Variants in ZRANB3 observed in about 807,000 individuals in gnomAD.
ZRANB3 encodes the protein DNA annealing helicase and endonuclease ZRANB3.
Under a neutral mutation model 133.8 loss-of-function variants are expected in ZRANB3, and 125 were observed. The observed-to-expected ratio is 0.93, with a 90% confidence interval of 0.81 to 1.08. The LOEUF (loss-of-function observed/expected upper bound fraction) is 1.08. Ranked by LOEUF, ZRANB3 falls within the 50% of genes least tolerant of loss-of-function variation. ZRANB3 has a pLI of 0.00. For synonymous variants in ZRANB3, 387 were observed against 432.7 expected (o/e 0.89, Z 1.31); for missense variants, 1,229 against 1,275.5 (o/e 0.96, Z 0.56).
rs180840476 is a variant in ZRANB3 at position 135,264,772 on chromosome 2, A to T, written c.1539+762T>A. On this transcript the variant is annotated intron_variant, in intron 12 of 20. Coordinates refer to ENST00000264159, the MANE Select transcript of ZRANB3 (RefSeq NM_032143.4). ...TTTTTTTTTTCTGAGACAGAGACAC[A>T]GTCTCACTCTATCGCCCAGCCTGGA... is the stretch of plus-strand genomic sequence containing the variant. Among the ~76,000 whole-genome samples, 28 of 148,598 alleles carry T rather than the reference A, an allele frequency of 1.9e-4. 1 individual carries two copies. The East Asian group carries it at 5.3e-3, about 28-fold the overall frequency.
At chr2:135,489,186 A>G (rs759123695) in intron 2 of ZRANB3, among the ~76,000 whole-genome samples, 53 of 151,882 alleles carry the variant, frequency 3.5e-4, no homozygotes, top group African/African-American at 3.6e-4. Context: ...ATGGAAACAC[A>G]TAAGAAAAAC....
At chr2:135,361,912 T>C (rs541443317) in intron 3 of ZRANB3, among the ~76,000 whole-genome samples, 2 of 152,252 alleles carry the variant, frequency 1.3e-5, no homozygotes, top group East Asian at 1.9e-4. Flanking sequence ...GAATTGTGTG[T>C]GTACGGCCGG....
intron 2 of ZRANB3, among the ~76,000 whole-genome samples, chr2:135,409,300 C>T (rs1211690764): frequency 6.6e-6 from 1 of 152,090 alleles, no homozygotes; most frequent in East Asian, 1.9e-4. Context: ...GCCTTAACTC[C>T]AACATTGGGG....
intron 2 of ZRANB3, among the ~76,000 whole-genome samples, chr2:135,411,063 A>AC (rs1277859826): frequency 6.6e-6 from 1 of 152,000 alleles, no homozygotes; most frequent in Non-Finnish European, 1.5e-5. Flanking sequence ...ACATGGTGAA[A>AC]CCCCAACTCT....
At chr2:135,483,615 A>C (rs546336548) in intron 2 of ZRANB3, among the ~76,000 whole-genome samples, 1 of 151,704 alleles carries the variant, frequency 6.6e-6, no homozygotes, top group Non-Finnish European at 1.5e-5. Context: ...TATTTCCTTC[A>C]GTTCTGCTCT....
At chr2:135,411,892 T>A (rs565049775) in intron 2 of ZRANB3, among the ~76,000 whole-genome samples, 1 of 152,120 alleles carries the variant, frequency 6.6e-6, no homozygotes, top group Non-Finnish European at 1.5e-5. Flanking sequence ...AACCCATACA[T>A]GTACCCCTCT....
At chr2:135,444,550 C>T (rs964038858) in intron 2 of ZRANB3, among the ~76,000 whole-genome samples, 1 of 151,856 alleles carries the variant, frequency 6.6e-6, no homozygotes, top group African/African-American at 2.4e-5. Context: ...TAGGAACCCC[C>T]CAAAAAAAGA....
chr2:135,528,600 C>G (rs1192101720), intron 1 of ZRANB3, among the ~76,000 whole-genome samples: 2 of 151,974 alleles, frequency 1.3e-5, no homozygotes, highest in Non-Finnish European at 2.9e-5. Context: ...GCCATCATTA[C>G]TATTTAGTGA....
chr2:135,336,632 C>T (rs986405411), intron 6 of ZRANB3, among the ~76,000 whole-genome samples: 3 of 152,048 alleles, frequency 2.0e-5, no homozygotes, highest in Non-Finnish European at 4.4e-5. Flanking sequence ...ATGGCTTTCT[C>T]CAGAAAACAG....
At chr2:135,306,509 G>T (rs1558904036) in intron 8 of ZRANB3, among the ~76,000 whole-genome samples, 1 of 150,998 alleles carries the variant, frequency 6.6e-6, no homozygotes, top group Admixed American at 6.6e-5. Context: ...AGCCAGGATG[G>T]TCTTGATCTT....
chr2:135,421,048 G>GT (rs1688823688), intron 2 of ZRANB3, among the ~76,000 whole-genome samples: 1 of 152,110 alleles, frequency 6.6e-6, no homozygotes, highest in South Asian at 2.1e-4. Flanking sequence ...TATTGATATT[G>GT]TAAGTGGATG....
intron 12 of ZRANB3, among the ~76,000 whole-genome samples, chr2:135,245,619 T>C (rs957429354): frequency 2.0e-5 from 3 of 151,416 alleles, no homozygotes; most frequent in African/African-American, 7.3e-5. Context: ...GCCTGGCTAA[T>C]TTTTTGTATT....
At chr2:135,514,960 C>T (rs1161746369) in intron 1 of ZRANB3, among the ~76,000 whole-genome samples, 1 of 151,878 alleles carries the variant, frequency 6.6e-6, no homozygotes, top group Non-Finnish European at 1.5e-5. Flanking sequence ...ATATGTTGAA[C>T]CAGCCTTGAA....
At chr2:135,480,587 A>G (rs1383743434) in intron 2 of ZRANB3, among the ~76,000 whole-genome samples, 1 of 152,050 alleles carries the variant, frequency 6.6e-6, no homozygotes, top group African/African-American at 2.4e-5. Context: ...AAAGCCTTAA[A>G]TACTACAAAG....
intron 2 of ZRANB3, among the ~76,000 whole-genome samples, chr2:135,439,417 A>G (rs1447566950): frequency 6.6e-6 from 1 of 152,198 alleles, no homozygotes; most frequent in Non-Finnish European, 1.5e-5. Context: ...CAAGTAAAAT[A>G]AAATAACTAA....
chr2:135,482,038 G>A (rs1691842269), intron 2 of ZRANB3, among the ~76,000 whole-genome samples: 1 of 137,186 alleles, frequency 7.3e-6, no homozygotes, highest in Non-Finnish European at 1.5e-5. Flanking sequence ...ATAGTTTGAA[G>A]TCAGGTCGTG....
intron 8 of ZRANB3, among the ~76,000 whole-genome samples, chr2:135,303,682 A>G (rs1682551243): frequency 6.6e-6 from 1 of 152,184 alleles, no homozygotes; most frequent in African/African-American, 2.4e-5. Context: ...GTGTTAATTT[A>G]TGCAAAAAAG....
intron 3 of ZRANB3, among the ~76,000 whole-genome samples, chr2:135,368,515 T>G (rs2104896118): frequency 6.6e-6 from 1 of 152,090 alleles, no homozygotes; most frequent in East Asian, 1.9e-4. Context: ...AACAAAATAT[T>G]ATGAAAATGT....
chr2:135,408,918 A>G (rs1183478896), intron 2 of ZRANB3, among the ~76,000 whole-genome samples: 2 of 152,168 alleles, frequency 1.3e-5, no homozygotes, highest in African/African-American at 2.4e-5. Context: ...TGGCACATGT[A>G]TACATATGTA....
Sources: gnomAD v4.1 joint callset for allele counts (sites outside exome capture counted in the v4.1 genomes callset) on GRCh38, gnomAD v4.1.1 for gene constraint, MANE v1.5 for transcripts, NCBI Gene and HGNC (gene_info 2026-07-23, HGNC 2026-07-21) for gene names.